Variants in TENM1 observed in about 807,000 individuals in gnomAD.
The protein encoded by TENM1 is teneurin transmembrane protein 1.
TENM1 carries 35 observed loss-of-function variants against 174.8 expected under a neutral mutation model. The observed-to-expected ratio is 0.20, with a 90% CI of 0.15 to 0.27. The LOEUF is 0.27. Among genes scored for constraint, TENM1 ranks in the 10% least tolerant of loss-of-function variants. The pLI, the probability that TENM1 is intolerant of heterozygous loss-of-function variation, is 1.00. For missense variants in TENM1, 1,633 were observed against 2,130.1 expected (o/e 0.77, Z 4.59); for synonymous variants, 781 against 798.7 (o/e 0.98, Z 0.37).
chrX:124,860,557 A>C (rs1007632778), intron 3 of TENM1, among the ~76,000 whole-genome samples: 22 of 111,468 alleles, frequency 2.0e-4, no homozygotes, highest in Admixed American at 3.8e-4. Flanking sequence ...CTAAAAGGAT[A>C]ATTTGTCAGT....
At chrX:125,113,932 C>A in the TENM1 span, among the ~76,000 whole-genome samples, 91 of 111,347 alleles carry the variant, frequency 8.2e-4, no homozygotes, top group African/African-American at 2.9e-3. Context: ...CTACAGAACT[C>A]TCCACCCCAA....
At chrX:124,854,319 A>C (rs781655406) in intron 3 of TENM1, among the ~76,000 whole-genome samples, 58 of 111,287 alleles carry the variant, frequency 5.2e-4, no homozygotes, top group African/African-American at 1.7e-3. Flanking sequence ...ATTGAAAGGC[A>C]TAAGAATGAT....
the TENM1 span, among the ~76,000 whole-genome samples, chrX:125,010,214 G>A: frequency 1.8e-5 from 2 of 110,952 alleles, no homozygotes; most frequent in Non-Finnish European, 3.8e-5. Context: ...AAAATCACAA[G>A]CATTCCTATA....
At chrX:124,513,115 G>A (rs2047620424) in intron 18 of TENM1, among the ~76,000 whole-genome samples, 1 of 109,184 alleles carries the variant, frequency 9.2e-6, no homozygotes, top group Admixed American at 9.8e-5. Context: ...TACAGTTATG[G>A]AGGCCAGAAT....
the TENM1 span, among the ~76,000 whole-genome samples, chrX:125,159,271 G>C: frequency 1.8e-5 from 2 of 112,132 alleles, no homozygotes; most frequent in East Asian, 5.6e-4. Flanking sequence ...ACTGAATTTA[G>C]TGTTGGCCTA....
intron 3 of TENM1, among the ~76,000 whole-genome samples, chrX:124,862,552 A>C (rs1467050171): frequency 1.8e-5 from 2 of 110,597 alleles, no homozygotes; most frequent in Admixed American, 1.9e-4. Context: ...GCAGACAACC[A>C]CCCATAGAGG....
At chrX:124,533,032 T>C (rs950447799) in intron 15 of TENM1, among the ~76,000 whole-genome samples, 1 of 112,098 alleles carries the variant, frequency 8.9e-6, no homozygotes, top group Non-Finnish European at 1.9e-5. Flanking sequence ...CATGCAGAAA[T>C]TTAGGAAAAA....
chrX:124,518,795 G>A (rs2047776523), intron 18 of TENM1, among the ~76,000 whole-genome samples: 2 of 111,635 alleles, frequency 1.8e-5, no homozygotes, highest in Admixed American at 9.5e-5. Context: ...CCCGGGGAAG[G>A]AGTCTGGCTC....
chrX:124,749,188 C>A (rs2054006209), intron 3 of TENM1, among the ~76,000 whole-genome samples: 1 of 111,365 alleles, frequency 9.0e-6, no homozygotes. Context: ...TTCCTCCAAG[C>A]CACACCAAAC....
chrX:124,934,192 A>G (rs2058213291), intron 1 of TENM1, among the ~76,000 whole-genome samples: 1 of 111,923 alleles, frequency 8.9e-6, no homozygotes, highest in African/African-American at 3.2e-5. Flanking sequence ...GCATAGATGG[A>G]AGAATTTATT....
chrX:124,934,709 T>C (rs775586279), intron 1 of TENM1, among the ~76,000 whole-genome samples: 2 of 111,770 alleles, frequency 1.8e-5, no homozygotes, highest in East Asian at 2.8e-4. Flanking sequence ...AAAAGGGCTA[T>C]AAGATAACCA....
chrX:124,467,077 C>T (rs776850203), intron 22 of TENM1, among the ~76,000 whole-genome samples: 1 of 111,381 alleles, frequency 9.0e-6, no homozygotes, highest in East Asian at 2.8e-4. Flanking sequence ...AATGGGGCAC[C>T]TACCCACCTT....
the TENM1 span, among the ~76,000 whole-genome samples, chrX:124,969,675 C>T: frequency 9.0e-6 from 1 of 111,690 alleles, no homozygotes; most frequent in Non-Finnish European, 1.9e-5. Context: ...AGTTTCTTGC[C>T]AAGATCACAC....
In TENM1 at chrX:124,713,603, C is replaced by T. The variant is rs145666424; in HGVS notation, c.777-8352G>A. ...TTTTAAACCTTTCAGTGGTTATCAT[C>T]CCTTCTCCTCTTTTATTCAGAAGCA... On this transcript the variant is annotated intron_variant, in intron 4 of 31. Transcript: ENST00000422452. 9.8e-4 allele frequency among the ~76,000 whole-genome samples: 110 copies of T among 112,469 alleles called. 1 individual carries two copies. Among genetic ancestry groups the T allele is most frequent in the Middle Eastern group, 4.6e-3 (1 of 219 alleles).
At chrX:124,632,293 G>T (rs1401470585) in intron 11 of TENM1, among the ~76,000 whole-genome samples, 1 of 110,694 alleles carries the variant, frequency 9.0e-6, no homozygotes, top group Admixed American at 9.6e-5. Flanking sequence ...AAAGTAACTT[G>T]CCCTGCCTCT....
At chrX:125,121,327 C>A in the TENM1 span, among the ~76,000 whole-genome samples, 1 of 111,370 alleles carries the variant, frequency 9.0e-6, no homozygotes, top group Non-Finnish European at 1.9e-5. Context: ...AAACTAGGGG[C>A]CACATGTTTA....
intron 22 of TENM1, among the ~76,000 whole-genome samples, chrX:124,462,295 G>A (rs2061183884): frequency 9.1e-6 from 1 of 110,415 alleles, no homozygotes; most frequent in African/African-American, 3.3e-5. Context: ...ATCACTAGAT[G>A]GAAGAAGGCT....
the TENM1 span, among the ~76,000 whole-genome samples, chrX:125,019,790 A>G: frequency 9.0e-6 from 1 of 111,143 alleles, no homozygotes; most frequent in Non-Finnish European, 1.9e-5. Context: ...CCCACACTCC[A>G]TGAGATTAAA....
At chrX:124,405,475 C>T (rs1219199150) in intron 26 of TENM1, among the ~76,000 whole-genome samples, 2 of 111,736 alleles carry the variant, frequency 1.8e-5, no homozygotes, top group Non-Finnish European at 3.8e-5. Flanking sequence ...GCTGGAGTAT[C>T]TGTTTCTTGG....
Sources: gnomAD v4.1 joint callset for allele counts (sites outside exome capture counted in the v4.1 genomes callset) on GRCh38, gnomAD v4.1.1 for gene constraint, MANE v1.5 for transcripts, NCBI Gene and HGNC (gene_info 2026-07-23, HGNC 2026-07-21) for gene names.